ATG14: variants seen among roughly 807,000 people sequenced by gnomAD.
The protein encoded by ATG14 is autophagy related 14.
ATG14 carries 35 observed loss-of-function variants against 60.4 expected under a neutral mutation model. The observed-to-expected ratio is 0.58, with a 90% CI of 0.44 to 0.77. The LOEUF is 0.77. Among genes scored for constraint, ATG14 ranks in the 30% least tolerant of loss-of-function variants. The probability of loss-of-function intolerance (pLI) is 0.00; values close to 1 mark genes in which losing one functional copy is unlikely to be tolerated. For missense variants in ATG14, 647 were observed against 626.3 expected (o/e 1.03, Z -0.35); for synonymous variants, 234 against 228.8 (o/e 1.02, Z -0.21).
At chr14:55,393,802 G>A (rs1370113868) in intron 3 of ATG14, among the ~76,000 whole-genome samples, 1 of 151,842 alleles carries the variant, frequency 6.6e-6, no homozygotes, top group East Asian at 1.9e-4. Flanking sequence ...ATCCACCTCG[G>A]ACTCCCAAAG....
intron 1 of ATG14, among the ~76,000 whole-genome samples, chr14:55,404,810 T>C (rs1269500062): frequency 6.6e-6 from 1 of 152,146 alleles, no homozygotes; most frequent in Non-Finnish European, 1.5e-5. Context: ...AGTATAAAAA[T>C]ATAGTTCAGA....
chr14:55,389,838 A>G (rs542611542), intron 4 of ATG14, among the ~76,000 whole-genome samples: 29 of 152,254 alleles, frequency 1.9e-4, no homozygotes, highest in Non-Finnish European at 3.7e-4. Flanking sequence ...GCAAATGGGA[A>G]GTGGCTTAAG....
At chr14:55,386,732 CTCG>C (rs569005436) in intron 4 of ATG14, among the ~76,000 whole-genome samples, 83 of 152,302 alleles carry the variant, frequency 5.4e-4, no homozygotes, top group Non-Finnish European at 1.0e-3. Context: ...GAGACATACA[CTCG>C]TCCTGTCAGA....
intron 1 of ATG14, among the ~76,000 whole-genome samples, chr14:55,402,713 C>G (rs1401318284): frequency 3.3e-5 from 5 of 149,536 alleles, no homozygotes; most frequent in African/African-American, 9.9e-5. Context: ...TATGAGAAAG[C>G]ATAGCATAAA....
chr14:55,371,784 A>G lies in ATG14; in HGVS notation c.1173-1859T>C, dbSNP rs57623127. 9.3e-3 allele frequency among the ~76,000 whole-genome samples: 1,410 copies of G among 151,806 alleles called. 30 individuals are homozygous for G. Among genetic ancestry groups the G allele is most frequent in the African/African-American group, 0.033 (1,361 of 41,336 alleles). ...GCGCCAGTGCACTCTAGCCTGGGCG[A>G]CAGAGCGAGACTCTGTCTCAAAAAA... is the stretch of plus-strand genomic sequence containing the variant. On this transcript the variant is annotated intron_variant, in intron 9 of 9. Coordinates refer to ENST00000247178, the MANE Select transcript of ATG14 (RefSeq NM_014924.5).
intron 9 of ATG14, among the ~76,000 whole-genome samples, chr14:55,373,587 G>C (rs921028588): frequency 1.3e-5 from 2 of 152,008 alleles, no homozygotes; most frequent in Admixed American, 6.6e-5. Context: ...AGCCTCCCAA[G>C]TAGCTGGGGT....
At position 55,411,547 on chromosome 14, in the gene ATG14, C is replaced by T; in HGVS notation, c.221+55G>A. On this transcript the variant is annotated intron_variant, in intron 1 of 9. Coordinates refer to ENST00000247178, the MANE Select transcript of ATG14 (RefSeq NM_014924.5). ...AGCCCCAGGTTCCAGCCTTCGGCTGCCTGGCTGGAGGACACACAGCAGAAG... is the reference window on the plus strand; with the variant it reads ...AGCCCCAGGTTCCAGCCTTCGGCTGTCTGGCTGGAGGACACACAGCAGAAG... The T allele has an allele frequency of 3.3e-6, 5 of 1,519,232 alleles. No individual in the cohort carries two copies. The African/African-American group carries it at 4.1e-5, about 13-fold the overall frequency. 94.1% of individuals were successfully genotyped at this position (1,519,232 alleles called of 1,614,324 possible).
Position 55,366,495 on chromosome 14 carries a change from T to C in ATG14, c.*3124A>G, listed in dbSNP as rs1884681474. Reference sequence around the variant, plus strand: ...AGAGCAATGGGGAATTCCTGCAACATGATACTGTGAGGAGATTCTCGGACA... The same window carrying C: ...AGAGCAATGGGGAATTCCTGCAACACGATACTGTGAGGAGATTCTCGGACA... On this transcript the variant is annotated 3_prime_UTR_variant, in exon 10 of 10. Transcript: ENST00000247178. The C allele has an allele frequency of 6.6e-6, 1 of 152,648 alleles. No homozygotes were observed. The highest frequency in any genetic ancestry group is 2.1e-4 in the South Asian group (1 of 4,836). 9.5% of individuals were successfully genotyped at this position (152,648 alleles called of 1,614,324 possible). A position where few individuals can be genotyped will look rare whatever the true frequency, so the allele number is the denominator to read the frequency against.
At position 55,411,782 on chromosome 14, in the gene ATG14, G is replaced by A. The variant is rs1225170029; in HGVS notation, c.41C>T (p.Ala14Val). The change falls in exon 1 of 10, where the codon GCT (alanine) becomes GTT (valine). Residue 14 changes from alanine (A) to valine (V), a missense_variant. Physicochemically the swap from Ala to Val is moderately conservative, Grantham distance 64 (BLOSUM62 0). Transcript: ENST00000247178. ...GAGCGGCCGGGGCCCGCAGCCAGGA[G>A]CCTCCAGCGCCCGGGCTCCCTTCCC... ...PSGKGARALE[A>V]PGCGPRPLAR... is the part of the protein sequence containing the mutation. 1.9e-6 allele frequency: 3 copies of A among 1,602,568 alleles called. No homozygotes were observed. The highest frequency in any genetic ancestry group is 1.7e-5 in the Admixed American group (1 of 58,514).
Position 55,369,598 on chromosome 14 carries a change from G to GT in ATG14, c.*20dup, listed in dbSNP as rs763769489. On this transcript the variant is annotated 3_prime_UTR_variant, in exon 10 of 10. Coordinates refer to ENST00000247178, the MANE Select transcript of ATG14 (RefSeq NM_014924.5). ...GAAGAACTTTCTTGATGCAGATTTG[G>GT]TATGTTTTGGTCCATGCTCGTTAAC... 25 of 1,472,524 alleles carry GT rather than the reference G, an allele frequency of 1.7e-5. No homozygotes were observed. In the South Asian group the frequency reaches 3.3e-4, roughly 19 times the overall value. 91.2% of individuals were successfully genotyped at this position (1,472,524 alleles called of 1,614,324 possible). A position where few individuals can be genotyped will look rare whatever the true frequency, so the allele number is the denominator to read the frequency against.
In ATG14 at chr14:55,382,135, C is replaced by T. The variant is rs1403619209; in HGVS notation, c.704G>A (p.Ser235Asn). Residue 235 changes from serine (S) to asparagine (N), a missense_variant, in exon 6 of 10, where the codon AGC becomes AAC. Ser to Asn is a conservative substitution (Grantham distance 46). Transcript: ENST00000247178. ...SDSAMTSSTVSKLAEARRTTY... is the reference protein window; with the variant it reads ...SDSAMTSSTVNKLAEARRTTY... ...TGTCCTCCGGGCTTCAGCAAGCTTG[C>T]TCACAGTGCTGGAGGTCATGGCACT... 2 of 1,613,986 alleles carry T rather than the reference C, an allele frequency of 1.2e-6. No homozygotes were observed. Among genetic ancestry groups the T allele is most frequent in the African/African-American group, 1.3e-5 (1 of 74,894 alleles).
chr14:55,393,177 T>G (rs143440915), intron 3 of ATG14, among the ~76,000 whole-genome samples: 7 of 152,064 alleles, frequency 4.6e-5, no homozygotes, highest in Admixed American at 3.3e-4. Flanking sequence ...GTCAGGAGAT[T>G]GAGACCATCC....
rs182643161 is a variant in ATG14, at chr14:55,368,908, A to G, written c.*711T>C. The G allele has an allele frequency of 1.0e-3, 158 of 152,676 alleles. No individual in the cohort carries two copies. The highest frequency in any genetic ancestry group is 3.3e-3 in the Admixed American group (50 of 15,304). 9.5% of individuals were successfully genotyped at this position (152,676 alleles called of 1,614,324 possible). A position where few individuals can be genotyped will look rare whatever the true frequency, so the allele number is the denominator to read the frequency against. ...AATTCCCCTCAGAATACAAGAAAAT[A>G]GTTAAAAACTCTCTAGACATTATTG... On this transcript the variant is annotated 3_prime_UTR_variant, in exon 10 of 10. Transcript: ENST00000247178.
At chr14:55,402,034 A>T (rs1297663512) in intron 1 of ATG14, among the ~76,000 whole-genome samples, 1 of 152,172 alleles carries the variant, frequency 6.6e-6, no homozygotes, top group Non-Finnish European at 1.5e-5. Flanking sequence ...AACTGAGTGG[A>T]CCTAACCACA....
At chr14:55,410,028 T>C (rs1267937232) in intron 1 of ATG14, among the ~76,000 whole-genome samples, 1 of 152,154 alleles carries the variant, frequency 6.6e-6, no homozygotes, top group African/African-American at 2.4e-5. Flanking sequence ...ATGGGATTTG[T>C]TGATGGGACT....
chr14:55,371,100 C>T (rs945419742), intron 9 of ATG14, among the ~76,000 whole-genome samples: 1 of 152,204 alleles, frequency 6.6e-6, no homozygotes, highest in African/African-American at 2.4e-5. Context: ...GTGCCGCTCT[C>T]TCCCTGCTGC....
At chr14:55,382,271 A>G in intron 5 of ATG14, 80 bp from the exon 6 acceptor site, 1 of 1,295,114 alleles carries the variant, frequency 7.7e-7, no homozygotes, top group Non-Finnish European at 1.1e-6. Flanking sequence ...GACATGCTAG[A>G]ACATCGAAAA....
chr14:55,403,357 T>C (rs72717758), intron 1 of ATG14, among the ~76,000 whole-genome samples: 3,906 of 152,216 alleles, frequency 0.026, 128 homozygotes, highest in African/African-American at 0.068. Context: ...TGAGGGATTA[T>C]GAAACCAGGA....
At chr14:55,402,947 AT>A (rs1885430824) in intron 1 of ATG14, among the ~76,000 whole-genome samples, 2 of 73,808 alleles carry the variant, frequency 2.7e-5, no homozygotes, top group East Asian at 3.7e-4. Context: ...ATATATATAT[AT>A]ATATATATAT....
Sources: allele counts gnomAD v4.1 joint callset (sites outside exome capture counted in the v4.1 genomes callset), GRCh38; gene constraint gnomAD v4.1.1; transcripts MANE v1.5; gene names NCBI Gene and HGNC (gene_info 2026-07-23, HGNC 2026-07-21).